The following MYOZ3 variants were observed in gnomAD, a reference collection of about 807,000 sequenced individuals.
MYOZ3 encodes the protein myozenin-3.
Under a neutral mutation model 26.5 loss-of-function variants are expected in MYOZ3, and 19 were observed. The observed-to-expected ratio is 0.72, with a 90% CI of 0.50 to 1.05. MYOZ3 has a LOEUF of 1.05. Among genes scored for constraint, MYOZ3 ranks in the 50% least tolerant of loss-of-function variants. The probability of loss-of-function intolerance (pLI) is 0.00; values close to 1 mark genes in which losing one functional copy is unlikely to be tolerated. For missense variants in MYOZ3, 322 were observed against 337.1 expected (o/e 0.96, Z 0.35); for synonymous variants, 135 against 138.8 (o/e 0.97, Z 0.19).
At chr5:150,662,151 G>A (rs1467917777) in intron 1 of MYOZ3, among the ~76,000 whole-genome samples, 2 of 152,172 alleles carry the variant, frequency 1.3e-5, no homozygotes, top group East Asian at 3.9e-4. Context: ...AAAGGAGAAG[G>A]GTACCCAGGT....
chr5:150,672,185 T>C, intron 5 of MYOZ3, 155 bp from the exon 6 acceptor site: 1 of 1,176,982 alleles, frequency 8.5e-7, no homozygotes, highest in Non-Finnish European at 1.2e-6. Context: ...GGGTCTCCTG[T>C]GCTGGAGCAA....
In MYOZ3 at chr5:150,677,160, C is replaced by T. The variant is rs909858779; in HGVS notation, c.*285C>T. Reference sequence around the variant, plus strand: ...ATTAATAGCAACCAGGGCCGGGTGTCGTGGCTCACGCCTGTCATCCCAGCA... The same window carrying T: ...ATTAATAGCAACCAGGGCCGGGTGTTGTGGCTCACGCCTGTCATCCCAGCA... On this transcript the variant is annotated 3_prime_UTR_variant, in exon 7 of 7. Coordinates refer to ENST00000517768, the MANE Select transcript of MYOZ3 (RefSeq NM_001122853.3). The T allele has an allele frequency of 7.8e-6, 2 of 255,348 alleles. No homozygotes were observed. Among genetic ancestry groups the T allele is most frequent in the African/African-American group, 2.2e-5 (1 of 45,402 alleles). 15.8% of individuals were successfully genotyped at this position (255,348 alleles called of 1,614,324 possible).
At chr5:150,673,584 C>T (rs982145437) in intron 6 of MYOZ3, among the ~76,000 whole-genome samples, 8 of 152,210 alleles carry the variant, frequency 5.3e-5, no homozygotes, top group African/African-American at 1.9e-4. Context: ...TCGTGATCCA[C>T]CCGCCTTTGC....
rs1349504124 is a variant in MYOZ3, at chr5:150,671,836, G to C, written c.352G>C (p.Gly118Arg). 3.7e-6 allele frequency: 6 copies of C among 1,609,500 alleles called. No homozygotes were observed. The highest frequency in any genetic ancestry group is 1.7e-5 in the Admixed American group (1 of 59,802). Residue 118 changes from glycine (G) to arginine (R), a missense_variant, in exon 5 of 7, where the codon GGG becomes CGG. Gly to Arg is a moderately radical substitution (Grantham distance 125). Coordinates refer to ENST00000517768, the MANE Select transcript of MYOZ3 (RefSeq NM_001122853.3). ...IFPASPGASL[G>R]GPEGAHPAAA... ...CCCGGCCTCACCCGGGGCCTCACTC[G>C]GGGGTCCCGAGGGCGCCCACCCTGC...
Position 150,676,843 on chromosome 5 carries a change from G to C in MYOZ3, c.724G>C (p.Val242Leu). The C allele has an allele frequency of 6.2e-7, 1 of 1,613,084 alleles. No homozygotes were observed. The highest frequency in any genetic ancestry group is 1.3e-5 in the African/African-American group (1 of 74,946). The change falls in exon 7 of 7, where the codon GTC becomes CTC. Residue 242 changes from valine (V) to leucine (L), a missense_variant. By Grantham distance (32) the Val-to-Leu change is conservative. Transcript: ENST00000517768. Reference protein sequence around the residue: ...PSFNRVAQGWVRNLPESEEL With the variant: ...PSFNRVAQGWLRNLPESEEL ...CTTCAACAGAGTGGCCCAGGGCTGG[G>C]TCCGTAACCTCCCAGAGTCCGAGGA...
At chr5:150,666,475 G>A (rs188912039) in intron 2 of MYOZ3, among the ~76,000 whole-genome samples, 122 of 151,752 alleles carry the variant, frequency 8.0e-4, no homozygotes, top group African/African-American at 2.7e-3. Flanking sequence ...TTAGCCGTGC[G>A]TGGTGGCTCA....
In MYOZ3 at chr5:150,671,928, C is replaced by A. The variant is rs1157279790; in HGVS notation, c.424+20C>A. 2 of 1,506,692 alleles carry A rather than the reference C, an allele frequency of 1.3e-6. No homozygotes were observed. Among genetic ancestry groups the A allele is most frequent in the Admixed American group, 2.2e-5 (1 of 45,584 alleles). The allele number at this position is 1,506,692 out of a possible 1,614,324, so 93.3% of individuals were successfully genotyped here. A position where few individuals can be genotyped will look rare whatever the true frequency, so the allele number is the denominator to read the frequency against. ...CGCCAGGTGAGTGGCCTCCTCGGGT[C>A]CCGGGACCAGGGCTGGGGGGCCTGA... On this transcript the variant is annotated intron_variant, in intron 5 of 6. Coordinates refer to ENST00000517768, the MANE Select transcript of MYOZ3 (RefSeq NM_001122853.3).
chr5:150,673,703 T>C (rs1309612254), intron 6 of MYOZ3, among the ~76,000 whole-genome samples: 2 of 152,170 alleles, frequency 1.3e-5, no homozygotes, highest in Non-Finnish European at 1.5e-5. Flanking sequence ...AAGGGATACA[T>C]TTACCATTCT....
In MYOZ3 at chr5:150,676,735, G is replaced by T. The variant is rs748030903; in HGVS notation, c.616G>T (p.Val206Leu). The change falls in exon 7 of 7, where the codon GTG (valine) becomes TTG (leucine). Residue 206 changes from valine (V) to leucine (L), a missense_variant. By Grantham distance (32) the Val-to-Leu change is conservative. Coordinates refer to ENST00000517768, the MANE Select transcript of MYOZ3 (RefSeq NM_001122853.3). ...KTPVPFGGPL[V>L]GGTFPRPGTP... ...CCCGGTGCCATTTGGAGGACCCCTC[G>T]TGGGGGGCACTTTTCCCAGGCCAGG... 1 of 1,613,946 alleles carries T rather than the reference G, an allele frequency of 6.2e-7. No individual in the cohort carries two copies. Among genetic ancestry groups the T allele is most frequent in the Non-Finnish European group, 8.5e-7 (1 of 1,179,984 alleles).
intron 6 of MYOZ3, among the ~76,000 whole-genome samples, chr5:150,674,457 C>T (rs1758972769): frequency 6.6e-6 from 1 of 152,250 alleles, no homozygotes; most frequent in Admixed American, 6.5e-5. Context: ...ATGTGCTCAG[C>T]TTCCAGGGTC....
At chr5:150,671,564 T>G (rs1368946713) in intron 3 of MYOZ3, 33 bp from the exon 4 acceptor site, 5 of 1,613,050 alleles carry the variant, frequency 3.1e-6, no homozygotes, top group South Asian at 1.1e-5. Context: ...CCGCTGAGCT[T>G]CTCTGCGGTT....
intron 3 of MYOZ3, chr5:150,670,866 G>T: frequency 2.9e-5 from 5 of 172,834 alleles, no homozygotes; most frequent in Non-Finnish European, 2.2e-5. Context: ...GCCGTGGAGT[G>T]AAGGGACTCT....
In MYOZ3 at chr5:150,676,956, T is replaced by C. The variant is rs1051572178; in HGVS notation, c.*81T>C. The C allele has an allele frequency of 6.4e-6, 9 of 1,408,212 alleles. No homozygotes were observed. In the African/African-American group the frequency reaches 7.2e-5, roughly 11 times the overall value. 87.2% of individuals were successfully genotyped at this position (1,408,212 alleles called of 1,614,324 possible). A position where few individuals can be genotyped will look rare whatever the true frequency, so the allele number is the denominator to read the frequency against. ...AAGACTTGTGGACAGCACTTCACAG[T>C]TGAAGAAGGGCCTTCACACACAAAA... On this transcript the variant is annotated 3_prime_UTR_variant, in exon 7 of 7. Transcript: ENST00000517768.
Position 150,670,464 on chromosome 5 carries a change from G to C in MYOZ3, c.62-20G>C, listed in dbSNP as rs200529440. 1.4e-5 allele frequency: 22 copies of C among 1,594,762 alleles called. No individual in the cohort carries two copies. The highest frequency in any genetic ancestry group is 1.9e-5 in the Non-Finnish European group (22 of 1,169,356). On this transcript the variant is annotated intron_variant, in intron 2 of 6. Coordinates refer to ENST00000517768, the MANE Select transcript of MYOZ3 (RefSeq NM_001122853.3). The stretch of plus-strand genomic sequence containing the variant: ...ATGGGGGATGGGGTGGTGAGAGCCC[G>C]CTCTGGCCTTTCCTGGCAGTCCCTA...
At chr5:150,675,564 G>C (rs891913450) in intron 6 of MYOZ3, among the ~76,000 whole-genome samples, 1 of 152,046 alleles carries the variant, frequency 6.6e-6, no homozygotes, top group Non-Finnish European at 1.5e-5. Context: ...CTAGCGACGG[G>C]GTTTCACCAT....
intron 3 of MYOZ3, 61 bp from the exon 4 acceptor site, chr5:150,671,536 G>A: frequency 6.3e-7 from 1 of 1,579,434 alleles, no homozygotes; most frequent in Non-Finnish European, 8.7e-7. Context: ...GGTGGAGGGA[G>A]AACCCTGGTC....
Position 150,676,598 on chromosome 5 carries a change from T to C in MYOZ3, c.588-109T>C. ...AATCTTGCTGTATAGAAGGGAAAAC[T>C]GAGGCTCAGAGAGCGGCAGGGAGGG... On this transcript the variant is annotated intron_variant, in intron 6 of 6. Coordinates refer to ENST00000517768, the MANE Select transcript of MYOZ3 (RefSeq NM_001122853.3). 10 of 963,260 alleles carry C rather than the reference T, an allele frequency of 1.0e-5. No homozygotes were observed. In the South Asian group the frequency reaches 1.6e-4, roughly 16 times the overall value. The allele number at this position is 963,260 out of a possible 1,614,324, so 59.7% of individuals were successfully genotyped here.
At chr5:150,672,545 G>A (rs759897673) in intron 6 of MYOZ3, 43 bp downstream of exon 6, 2 of 1,522,970 alleles carry the variant, frequency 1.3e-6, no homozygotes, top group Non-Finnish European at 1.8e-6. Flanking sequence ...CGGGAGGGGC[G>A]GGAAGCCAGT....
chr5:150,666,760 C>A lies in MYOZ3; in HGVS notation c.62-3724C>A, dbSNP rs183917383. On this transcript the variant is annotated intron_variant, in intron 2 of 6. Coordinates refer to ENST00000517768, the MANE Select transcript of MYOZ3 (RefSeq NM_001122853.3). ...CCTCCAATTAATTTATACTGGATTT[C>A]TTTTTTTCTTTTTTTTTTGAGACAG... Among the ~76,000 whole-genome samples the A allele has an allele frequency of 3.2e-3, 476 of 149,686 alleles. 3 individuals are homozygous for A. The highest frequency in any genetic ancestry group is 4.0e-3 in the Non-Finnish European group (269 of 67,594).
Sources: gnomAD v4.1 joint callset for allele counts (sites outside exome capture counted in the v4.1 genomes callset) on GRCh38, gnomAD v4.1.1 for gene constraint, MANE v1.5 for transcripts, NCBI Gene and HGNC (gene_info 2026-07-23, HGNC 2026-07-21) for gene names.